Variants in CDH4 observed in about 807,000 individuals in gnomAD.
The protein encoded by CDH4 is cadherin 4, also known as cadherin-4.
In CDH4, 33 loss-of-function variants were observed where a neutral mutation model predicts 86.0. That is an observed-to-expected ratio of 0.38 (90% CI 0.29 to 0.51). CDH4 has a LOEUF of 0.51. Among genes scored for constraint, CDH4 ranks in the 20% least tolerant of loss-of-function variants. CDH4 has a pLI of 0.86. For synonymous variants in CDH4, 555 were observed against 549.4 expected (o/e 1.01, Z -0.14); for missense variants, 1,114 against 1,307.4 (o/e 0.85, Z 2.28).
chr20:61,896,934 G>A (rs1000310584), intron 8 of CDH4, among the ~76,000 whole-genome samples: 3 of 152,106 alleles, frequency 2.0e-5, no homozygotes, highest in Admixed American at 6.5e-5. Flanking sequence ...GAGGGGAGAA[G>A]GTGACCCAAA....
In CDH4 at chr20:61,777,658, G is replaced by A. The variant is rs140731512; in HGVS notation, c.576+4476G>A. On this transcript the variant is annotated intron_variant, in intron 4 of 15. Coordinates refer to ENST00000614565, the MANE Select transcript of CDH4 (RefSeq NM_001794.5). ...CACACGTCTACACACGCACACACGT[G>A]CATACAAAGACACACACCCATACGC... Among the ~76,000 whole-genome samples, 686 of 149,074 alleles carry A rather than the reference G, an allele frequency of 4.6e-3. 59 individuals are homozygous for A. Among genetic ancestry groups the A allele is most frequent in the Middle Eastern group, 0.022 (6 of 278 alleles).
intron 2 of CDH4, among the ~76,000 whole-genome samples, chr20:61,440,393 C>T (rs1600684170): frequency 6.6e-6 from 1 of 152,302 alleles, no homozygotes; most frequent in African/African-American, 2.4e-5. Context: ...GTTGAGCAGC[C>T]ACAATGCTTG....
intron 2 of CDH4, among the ~76,000 whole-genome samples, chr20:61,496,011 A>T (rs1192781149): frequency 1.3e-5 from 2 of 152,086 alleles, no homozygotes. Flanking sequence ...AGCTCCTCGA[A>T]CATTTTTTTC....
chr20:61,832,145 G>A (rs918724857), intron 4 of CDH4, among the ~76,000 whole-genome samples: 1 of 152,226 alleles, frequency 6.6e-6, no homozygotes, highest in Non-Finnish European at 1.5e-5. Flanking sequence ...TCTGCCCCAG[G>A]ACATTTGACG....
intron 2 of CDH4, among the ~76,000 whole-genome samples, chr20:61,371,409 G>A (rs895198831): frequency 5.9e-5 from 9 of 152,220 alleles, no homozygotes; most frequent in Admixed American, 3.3e-4. Context: ...CAATACACAC[G>A]ACTTGTCCCC....
At chr20:61,573,857 G>C (rs1429764858) in intron 2 of CDH4, among the ~76,000 whole-genome samples, 3 of 152,218 alleles carry the variant, frequency 2.0e-5, no homozygotes, top group African/African-American at 7.2e-5. Flanking sequence ...GGAAGGGAAA[G>C]CTGTGTGCTG....
rs1369140431 is a variant in CDH4 at position 61,562,411 on chromosome 20, C to T, written c.170-181152C>T. 3.3e-5 allele frequency among the ~76,000 whole-genome samples: 5 copies of T among 150,028 alleles called. 1 individual carries two copies. Among genetic ancestry groups the T allele is most frequent in the African/African-American group, 9.8e-5 (4 of 40,736 alleles). On this transcript the variant is annotated intron_variant, in intron 2 of 15. Transcript: ENST00000614565. ...GCTCCCGGAGAGAGAGGGGGACCTT[C>T]GTGTGGAGAGGTGGACCCCAGGACT... is the stretch of plus-strand genomic sequence containing the variant.
intron 14 of CDH4, among the ~76,000 whole-genome samples, 175 bp from the exon 15 acceptor site, chr20:61,933,881 T>C (rs956201342): frequency 6.6e-6 from 1 of 151,712 alleles, no homozygotes; most frequent in African/African-American, 2.4e-5. Context: ...GGCAAGGAGG[T>C]GGGGCATTGT....
At chr20:61,481,795 GAGAACA>G (rs1304449326) in intron 2 of CDH4, among the ~76,000 whole-genome samples, 2 of 152,096 alleles carry the variant, frequency 1.3e-5, no homozygotes, top group African/African-American at 2.4e-5. Flanking sequence ...ATGTATATAA[GAGAACA>G]TCTTTCCAGG....
chr20:61,836,058 G>A (rs748194836), intron 4 of CDH4, among the ~76,000 whole-genome samples: 3 of 152,242 alleles, frequency 2.0e-5, no homozygotes, highest in Non-Finnish European at 4.4e-5. Context: ...TTGCAAGGAA[G>A]GGCTCCATCT....
intron 7 of CDH4, among the ~76,000 whole-genome samples, chr20:61,877,526 G>T (rs537504546): frequency 1.3e-5 from 2 of 152,180 alleles, no homozygotes; most frequent in Non-Finnish European, 2.9e-5. Flanking sequence ...GGCGTTCTCC[G>T]CTGTGTGTGC....
intron 15 of CDH4, among the ~76,000 whole-genome samples, chr20:61,935,121 GTCC>G (rs1162865086): frequency 2.0e-5 from 3 of 152,202 alleles, no homozygotes; most frequent in Admixed American, 2.0e-4. Flanking sequence ...GGATCACGGT[GTCC>G]TCCGTGCTGC....
chr20:61,510,710 T>C lies in CDH4; in HGVS notation c.170-232853T>C, dbSNP rs570444135. 6.6e-6 allele frequency among the ~76,000 whole-genome samples: 1 copy of C among 152,220 alleles called. No individual in the cohort carries two copies. The highest frequency in any genetic ancestry group is 2.1e-4 in the South Asian group (1 of 4,824). On this transcript the variant is annotated intron_variant, in intron 2 of 15. Transcript: ENST00000614565. This position sits in a 1 kb window ranked among gnomAD's most constrained non-coding sequence, Gnocchi z 4.2. ...GCGGGAAGGTGTGCCCTCCATTATA[T>C]AGAGGAGGCAGGTTGAAAATTGTAT...
chr20:61,430,565 T>C (rs534135727), intron 2 of CDH4, among the ~76,000 whole-genome samples: 2 of 152,116 alleles, frequency 1.3e-5, no homozygotes, highest in Admixed American at 1.3e-4. Flanking sequence ...GACAGAACGG[T>C]GACATTTTTC....
chr20:61,565,330 GATGGTGGTAGTGGTC>G lies in CDH4; in HGVS notation c.170-178232_170-178218del, dbSNP rs2086282546. Among the ~76,000 whole-genome samples, 2 of 76,982 alleles carry G rather than the reference GATGGTGGTAGTGGTC, an allele frequency of 2.6e-5. 1 individual carries two copies. The highest frequency in any genetic ancestry group is 6.1e-5 in the Non-Finnish European group (2 of 32,742). The allele number at this position is 76,982 out of a possible 152,430, so 50.5% of individuals were successfully genotyped here. A position where few individuals can be genotyped will look rare whatever the true frequency, so the allele number is the denominator to read the frequency against. ...TCTTGGTGGTGGCGGTGCTCTTGGT[GATGGTGGTAGTGGTC>G]CTCTTGGTGATGGGGTGATGGTGGT... On this transcript the variant is annotated intron_variant, in intron 2 of 15. Transcript: ENST00000614565.
At chr20:61,461,692 G>C (rs970041300) in intron 2 of CDH4, among the ~76,000 whole-genome samples, 1 of 152,178 alleles carries the variant, frequency 6.6e-6, no homozygotes, top group Non-Finnish European at 1.5e-5. Flanking sequence ...CTGTCCTCCT[G>C]TGTTATTTCC....
At chr20:61,601,651 G>T (rs183679275) in intron 2 of CDH4, among the ~76,000 whole-genome samples, 42 of 152,330 alleles carry the variant, frequency 2.8e-4, no homozygotes, top group Admixed American at 2.2e-3. Context: ...GGGAGGGAAG[G>T]CAGAGACTGG....
intron 2 of CDH4, among the ~76,000 whole-genome samples, chr20:61,366,655 C>A (rs1044363487): frequency 6.6e-6 from 1 of 152,222 alleles, no homozygotes; most frequent in African/African-American, 2.4e-5. Flanking sequence ...AGGAGCATGT[C>A]CTTAAGGCAC....
At chr20:61,375,112 C>A (rs957397841) in intron 2 of CDH4, among the ~76,000 whole-genome samples, 1 of 152,236 alleles carries the variant, frequency 6.6e-6, no homozygotes, top group African/African-American at 2.4e-5. Context: ...AGCTGCACCC[C>A]AACCACATGT....
Sources: gnomAD v4.1 joint callset for allele counts (sites outside exome capture counted in the v4.1 genomes callset) on GRCh38, gnomAD v4.1.1 for gene constraint, Gnocchi (gnomAD v3.1) non-coding constraint, MANE v1.5 for transcripts, NCBI Gene and HGNC (gene_info 2026-07-23, HGNC 2026-07-21) for gene names.